SYT14: variants seen among roughly 807,000 people sequenced by gnomAD.
The protein encoded by SYT14 is synaptotagmin 14.
In SYT14, 32 loss-of-function variants were observed where a neutral mutation model predicts 74.2. The ratio of observed to expected loss-of-function variants is 0.43; its 90% CI spans 0.33 to 0.58. The LOEUF is 0.58. Among genes scored for constraint, SYT14 ranks in the 20% least tolerant of loss-of-function variants. SYT14 has a pLI of 0.05. For synonymous variants in SYT14, 298 were observed against 337.7 expected, an observed-to-expected ratio of 0.88 and a Z score of 1.29; for missense variants, 791 against 981.8, an observed-to-expected ratio of 0.81 and a Z score of 2.60.
chr1:209,975,628 GT>G (rs1278245566), intron 2 of SYT14, among the ~76,000 whole-genome samples: 1 of 152,096 alleles, frequency 6.6e-6, no homozygotes, highest in Non-Finnish European at 1.5e-5. Context: ...GAGGATTTTT[GT>G]ATCAATGTTC....
intron 4 of SYT14, among the ~76,000 whole-genome samples, chr1:210,017,655 G>A (rs188545863): frequency 5.8e-4 from 89 of 152,170 alleles, no homozygotes; most frequent in African/African-American, 1.9e-3. Flanking sequence ...AAGTATACGT[G>A]AATAATCTAT....
At chr1:210,029,636 A>G (rs1319883341) in intron 5 of SYT14, among the ~76,000 whole-genome samples, 1 of 152,180 alleles carries the variant, frequency 6.6e-6, no homozygotes, top group African/African-American at 2.4e-5. Flanking sequence ...GTCTTTAGCC[A>G]GTACAACAGT....
At chr1:210,096,293 T>C (rs2081965399) in intron 6 of SYT14, among the ~76,000 whole-genome samples, 1 of 152,158 alleles carries the variant, frequency 6.6e-6, no homozygotes. Context: ...GATTCAGTGG[T>C]ACCCTCCAAA....
At chr1:209,978,074 CTT>C (rs2079402958) in intron 2 of SYT14, among the ~76,000 whole-genome samples, 1 of 152,026 alleles carries the variant, frequency 6.6e-6, no homozygotes, top group Non-Finnish European at 1.5e-5. Flanking sequence ...TTTAAGGACT[CTT>C]TGCATGGGTT....
At chr1:210,000,139 C>G (rs921832581) in intron 2 of SYT14, among the ~76,000 whole-genome samples, 11 of 152,016 alleles carry the variant, frequency 7.2e-5, no homozygotes, top group African/African-American at 2.7e-4. Flanking sequence ...AAAGTATTTG[C>G]TTTAAAATTG....
At chr1:210,105,235 T>A (rs1246419553) in intron 7 of SYT14, among the ~76,000 whole-genome samples, 1 of 152,190 alleles carries the variant, frequency 6.6e-6, no homozygotes, top group Non-Finnish European at 1.5e-5. Flanking sequence ...TTGACCAGGG[T>A]TTGCAAACTA....
intron 5 of SYT14, among the ~76,000 whole-genome samples, chr1:210,054,462 TC>T (rs2081058972): frequency 1.3e-5 from 2 of 152,234 alleles, no homozygotes; most frequent in South Asian, 4.1e-4. Context: ...GATATTCTTT[TC>T]TTCCATCTTA....
chr1:210,115,999 A>G (rs2082353875), intron 7 of SYT14, among the ~76,000 whole-genome samples: 1 of 151,034 alleles, frequency 6.6e-6, no homozygotes, highest in Non-Finnish European at 1.5e-5. Context: ...GTAGTGGAAA[A>G]TTATAGTCAA....
intron 4 of SYT14, 48 bp from the exon 4 acceptor site, chr1:210,020,991 G>C (rs1423912023): frequency 6.4e-7 from 1 of 1,558,086 alleles, no homozygotes; most frequent in African/African-American, 1.4e-5. Context: ...GTGAGGGGAG[G>C]GAATTTTTTT....
chr1:209,990,636 G>C lies in SYT14; in HGVS notation c.-485-22997G>C, dbSNP rs111754260. On this transcript the variant is annotated intron_variant, in intron 2 of 9. Coordinates refer to ENST00000637265, the Ensembl canonical transcript of SYT14. ...TTTTTCTTATCATATGATAATACTT[G>C]TTATTTATCAAAAATTTAGCAGTAT... Among the ~76,000 whole-genome samples, 974 of 136,242 alleles carry C rather than the reference G, an allele frequency of 7.1e-3. 16 individuals carry two copies. The highest frequency in any genetic ancestry group is 0.024 in the African/African-American group (928 of 38,412). 89.4% of individuals were successfully genotyped at this position (136,242 alleles called of 152,430 possible).
chr1:210,138,539 CTT>C (rs2082839212), intron 7 of SYT14, among the ~76,000 whole-genome samples: 1 of 152,090 alleles, frequency 6.6e-6, no homozygotes, highest in African/African-American at 2.4e-5. Context: ...GTAATTGTGA[CTT>C]GGGAATAGCT....
chr1:210,041,475 T>C (rs1319082573), intron 5 of SYT14, among the ~76,000 whole-genome samples: 1 of 152,158 alleles, frequency 6.6e-6, no homozygotes, highest in Non-Finnish European at 1.5e-5. Context: ...AAAAATTTTC[T>C]AAAGGAAGCA....
At chr1:210,044,846 G>A (rs1050697115) in intron 5 of SYT14, among the ~76,000 whole-genome samples, 11 of 152,306 alleles carry the variant, frequency 7.2e-5, no homozygotes, top group Admixed American at 7.2e-4. Flanking sequence ...TTACGGTGGA[G>A]CATGAAGTGG....
intron 2 of SYT14, among the ~76,000 whole-genome samples, chr1:209,980,220 C>CT (rs2079457173): frequency 6.6e-6 from 1 of 152,098 alleles, no homozygotes; most frequent in Non-Finnish European, 1.5e-5. Flanking sequence ...TGATGCTGAG[C>CT]TTTTTTTCAT....
At position 210,017,513 on chromosome 1, in the gene SYT14, A is replaced by G. The variant is rs561388261; in HGVS notation, c.1096+414A>G. On this transcript the variant is annotated intron_variant, in intron 4 of 9. Coordinates refer to ENST00000637265, the Ensembl canonical transcript of SYT14. ...CAGTATTGCTCTTTGCATCTATCCA[A>G]ATTTATATCAAATGTTTAATTATTT... Among the ~76,000 whole-genome samples, 136 of 152,258 alleles carry G rather than the reference A, an allele frequency of 8.9e-4. 1 individual carries two copies. The highest frequency in any genetic ancestry group is 3.4e-3 in the Middle Eastern group (1 of 294).
intron 5 of SYT14, among the ~76,000 whole-genome samples, chr1:210,079,137 A>G (rs1026837155): frequency 6.6e-6 from 1 of 151,976 alleles, no homozygotes; most frequent in African/African-American, 2.4e-5. Context: ...TTGTAAAACT[A>G]TCTAGGTCGG....
At chr1:210,088,271 A>G (rs2081782222) in intron 5 of SYT14, among the ~76,000 whole-genome samples, 1 of 151,334 alleles carries the variant, frequency 6.6e-6, no homozygotes, top group South Asian at 2.1e-4. Flanking sequence ...ACAAAGGTAT[A>G]CATGTGCCAT....
intron 6 of SYT14, among the ~76,000 whole-genome samples, chr1:210,097,091 C>T (rs1473164324): frequency 6.6e-6 from 1 of 152,220 alleles, no homozygotes; most frequent in Non-Finnish European, 1.5e-5. Flanking sequence ...TGTACTCAAA[C>T]AATATAGCAA....
At chr1:209,978,021 G>A (rs142399161) in intron 2 of SYT14, among the ~76,000 whole-genome samples, 11 of 152,062 alleles carry the variant, frequency 7.2e-5, no homozygotes, top group South Asian at 2.1e-4. Context: ...TTGTGCATTC[G>A]TCACGTAGTT....
Sources: allele counts gnomAD v4.1 joint callset (sites outside exome capture counted in the v4.1 genomes callset), GRCh38; gene constraint gnomAD v4.1.1; transcripts MANE v1.5; gene names NCBI Gene and HGNC (gene_info 2026-07-23, HGNC 2026-07-21).